Variants in PLD5 observed in about 807,000 individuals in gnomAD.
PLD5 encodes the protein inactive phospholipase D5.
A neutral mutation model predicts 61.1 loss-of-function variants in PLD5; 36 were observed. That is an observed-to-expected ratio of 0.59 (90% CI 0.45 to 0.78). The LOEUF (loss-of-function observed/expected upper bound fraction) is 0.78, where lower values mean the gene tolerates loss of function less well. PLD5 is among the 30% of genes least tolerant of loss of function. The pLI, the probability that PLD5 is intolerant of heterozygous loss-of-function variation, is 0.00. For synonymous variants in PLD5, 243 were observed against 242.8 expected (o/e 1.00, Z -0.01); for missense variants, 515 against 644.4 (o/e 0.80, Z 2.17).
chr1:242,512,195 A>T (rs1397533204), intron 1 of PLD5, among the ~76,000 whole-genome samples: 1 of 151,412 alleles, frequency 6.6e-6, no homozygotes, highest in Admixed American at 6.6e-5. Context: ...GCAGATCACG[A>T]GGTCAGGAGA....
chr1:242,414,539 A>C (rs2149291905), intron 1 of PLD5, among the ~76,000 whole-genome samples: 1 of 152,320 alleles, frequency 6.6e-6, no homozygotes, highest in Non-Finnish European at 1.5e-5. Context: ...AGTTGAGGGA[A>C]AGGAAAGATT....
At position 242,311,744 on chromosome 1, in the gene PLD5, T is replaced by C. The variant is rs192808295; in HGVS notation, c.327-23214A>G. ...CTTTGAGCTTCTTGCATTTGTACAT[T>C]TATGTCTTTCCTCAAATTGGGGGTA... On this transcript the variant is annotated intron_variant, in intron 2 of 9. Coordinates refer to ENST00000536534, the MANE Select transcript of PLD5 (RefSeq NM_001372062.1). Among the ~76,000 whole-genome samples the C allele has an allele frequency of 6.3e-4, 96 of 152,260 alleles. 1 individual carries two copies. The highest frequency in any genetic ancestry group is 2.2e-3 in the African/African-American group (93 of 41,546).
intron 1 of PLD5, among the ~76,000 whole-genome samples, chr1:242,523,050 C>T (rs921435331): frequency 6.6e-6 from 1 of 152,072 alleles, no homozygotes; most frequent in African/African-American, 2.4e-5. Context: ...CTTTGGGGGG[C>T]AGATGGGAAG....
At chr1:242,380,058 C>A (rs1662192805) in intron 1 of PLD5, among the ~76,000 whole-genome samples, 1 of 152,148 alleles carries the variant, frequency 6.6e-6, no homozygotes, top group African/African-American at 2.4e-5. Flanking sequence ...TTCATGAGGA[C>A]ACTTTAGAAT....
intron 5 of PLD5, among the ~76,000 whole-genome samples, chr1:242,214,871 C>CTTTTTTTTTTTTTTTTT (rs71570942): frequency 1.1e-5 from 1 of 92,458 alleles, no homozygotes; most frequent in Non-Finnish European, 1.9e-5. Flanking sequence ...CATTAAACAC[C>CTTTTTTTTTTTTTTTTT]TTTTTTTTTT....
intron 5 of PLD5, among the ~76,000 whole-genome samples, chr1:242,192,677 A>G (rs1668359873): frequency 1.3e-5 from 2 of 152,248 alleles, no homozygotes; most frequent in Admixed American, 1.3e-4. Context: ...TAACACGGAC[A>G]GAAGAGTTAG....
intron 4 of PLD5, among the ~76,000 whole-genome samples, chr1:242,234,102 A>G (rs1450771163): frequency 6.6e-6 from 1 of 152,216 alleles, no homozygotes; most frequent in Admixed American, 6.5e-5. Context: ...TTTGAGAACC[A>G]ATAGTTTCAA....
At chr1:242,284,873 C>G (rs1452629367) in intron 3 of PLD5, among the ~76,000 whole-genome samples, 1 of 152,130 alleles carries the variant, frequency 6.6e-6, no homozygotes, top group Non-Finnish European at 1.5e-5. Flanking sequence ...GCCCCTCTAT[C>G]CTTCATGTTT....
At chr1:242,098,543 C>T (rs567832354) in intron 9 of PLD5, among the ~76,000 whole-genome samples, 1 of 152,166 alleles carries the variant, frequency 6.6e-6, no homozygotes, top group African/African-American at 2.4e-5. Flanking sequence ...TCGTCTGAAG[C>T]CTTCTTCTCT....
chr1:242,404,875 A>ATTTTTTTTTTTTTTTTTTTTTTTTTT lies in PLD5; in HGVS notation c.190-56634_190-56633insAAAAAAAAAAAAAAAAAAAAAAAAAA, dbSNP rs11361107. 5.0e-4 allele frequency among the ~76,000 whole-genome samples: 38 copies of ATTTTTTTTTTTTTTTTTTTTTTTTTT among 75,396 alleles called. 5 individuals are homozygous for ATTTTTTTTTTTTTTTTTTTTTTTTTT. Among genetic ancestry groups the ATTTTTTTTTTTTTTTTTTTTTTTTTT allele is most frequent in the African/African-American group, 1.1e-3 (18 of 16,362 alleles). 49.5% of individuals were successfully genotyped at this position (75,396 alleles called of 152,430 possible). On this transcript the variant is annotated intron_variant, in intron 1 of 9. Coordinates refer to ENST00000536534, the MANE Select transcript of PLD5 (RefSeq NM_001372062.1). Reference sequence around the variant, plus strand: ...CATGCCTCTTATCTGTTCCCTGCTAATTTTTTTTTTTTTTTTTTTTTTGAG... The same window carrying ATTTTTTTTTTTTTTTTTTTTTTTTTT: ...CATGCCTCTTATCTGTTCCCTGCTAATTTTTTTTTTTTTTTTTTTTTTTTTTTTTTTTTTTTTTTTTTTTTTTTGAG...
At chr1:242,329,172 G>A (rs1659016494) in intron 2 of PLD5, among the ~76,000 whole-genome samples, 1 of 151,920 alleles carries the variant, frequency 6.6e-6, no homozygotes, top group Non-Finnish European at 1.5e-5. Flanking sequence ...CACCACACCT[G>A]GCTAATTTTT....
At chr1:242,446,057 AT>A (rs1666522654) in intron 1 of PLD5, among the ~76,000 whole-genome samples, 1 of 151,928 alleles carries the variant, frequency 6.6e-6, no homozygotes, top group Non-Finnish European at 1.5e-5. Flanking sequence ...GGTAACAATC[AT>A]TATTCCCATT....
intron 4 of PLD5, among the ~76,000 whole-genome samples, chr1:242,247,177 T>C (rs1055897623): frequency 5.3e-5 from 8 of 151,902 alleles, no homozygotes; most frequent in Non-Finnish European, 8.8e-5. Context: ...AGAGACGGGG[T>C]TTCACTGTGT....
intron 8 of PLD5, among the ~76,000 whole-genome samples, chr1:242,107,131 G>A (rs1241180358): frequency 1.3e-5 from 2 of 152,144 alleles, no homozygotes; most frequent in Non-Finnish European, 2.9e-5. Flanking sequence ...CCAGTGCTCT[G>A]TTGGTCACAG....
chr1:242,144,510 G>A (rs539649387), intron 5 of PLD5, among the ~76,000 whole-genome samples: 16 of 152,316 alleles, frequency 1.1e-4, no homozygotes, highest in Middle Eastern at 3.4e-3. Context: ...GGTTAGGTGC[G>A]TGGCTCATGC....
intron 9 of PLD5, among the ~76,000 whole-genome samples, chr1:242,098,351 C>T (rs574088294): frequency 2.0e-5 from 3 of 152,306 alleles, no homozygotes; most frequent in African/African-American, 4.8e-5. Flanking sequence ...TTGATCGAAT[C>T]GGCTACTGAG....
chr1:242,361,386 A>T (rs1453980259), intron 1 of PLD5, among the ~76,000 whole-genome samples: 1 of 152,180 alleles, frequency 6.6e-6, no homozygotes, highest in Non-Finnish European at 1.5e-5. Flanking sequence ...AAATGATAGA[A>T]TAAGAGCCAC....
chr1:242,414,890 G>A (rs1664738818), intron 1 of PLD5, among the ~76,000 whole-genome samples: 1 of 152,084 alleles, frequency 6.6e-6, no homozygotes. Context: ...CAGATGAAGG[G>A]GTTGGTAAAA....
intron 5 of PLD5, among the ~76,000 whole-genome samples, chr1:242,154,876 G>T (rs1255648473): frequency 6.6e-6 from 1 of 152,148 alleles, no homozygotes; most frequent in African/African-American, 2.4e-5. Context: ...AGTTACGGAG[G>T]ATTCCCTCTT....
Sources: allele counts gnomAD v4.1 joint callset (sites outside exome capture counted in the v4.1 genomes callset), GRCh38; gene constraint gnomAD v4.1.1; transcripts MANE v1.5; gene names NCBI Gene and HGNC (gene_info 2026-07-23, HGNC 2026-07-21).